The following PSMD11 variants were observed in gnomAD, a reference collection of about 807,000 sequenced individuals.
The protein encoded by PSMD11 is proteasome 26S subunit, non-ATPase 11, also known as 26S proteasome non-ATPase regulatory subunit 11.
Under a neutral mutation model 62.3 loss-of-function variants are expected in PSMD11, and 5 were observed. The ratio of observed to expected loss-of-function variants is 0.08; its 90% CI spans 0.04 to 0.17. The LOEUF is 0.17. PSMD11 is among the 10% of genes least tolerant of loss of function. PSMD11 has a pLI of 1.00. For synonymous variants in PSMD11, 191 were observed against 191.8 expected (o/e 1.00, Z 0.03); for missense variants, 310 against 512.9 (o/e 0.60, Z 3.82).
At chr17:32,449,761 T>A (rs1907434759) in intron 2 of PSMD11, among the ~76,000 whole-genome samples, 1 of 152,354 alleles carries the variant, frequency 6.6e-6, no homozygotes, top group South Asian at 2.1e-4. Flanking sequence ...TATTTAGCTG[T>A]CTTTGCTATT....
At chr17:32,452,116 A>T (rs1026973619) in intron 2 of PSMD11, among the ~76,000 whole-genome samples, 23 of 152,130 alleles carry the variant, frequency 1.5e-4, no homozygotes, top group Non-Finnish European at 1.6e-4. Flanking sequence ...GTTTTATTGG[A>T]ACAAAGCCAC....
chr17:32,471,166 A>G (rs937582689), intron 6 of PSMD11, among the ~76,000 whole-genome samples: 2 of 152,224 alleles, frequency 1.3e-5, no homozygotes, highest in Admixed American at 6.5e-5. Flanking sequence ...AGTTAGAGCT[A>G]ATATACACAA....
intron 3 of PSMD11, among the ~76,000 whole-genome samples, chr17:32,461,221 G>A (rs559702679): frequency 3.9e-5 from 6 of 151,942 alleles, no homozygotes; most frequent in Non-Finnish European, 8.8e-5. Flanking sequence ...GGGATTACAG[G>A]TGCACACCAC....
chr17:32,454,482 GCCTTT>G lies in PSMD11; in HGVS notation c.194-9_194-5del. On this transcript the variant is annotated splice_region_variant and splice_polypyrimidine_tract_variant and intron_variant, in intron 2 of 13. Coordinates refer to ENST00000261712, the MANE Select transcript of PSMD11 (RefSeq NM_002815.4). ...TGATGTTTACTCCTCTTTTTGAATT[GCCTTT>G]CCTACAGAGCTTGGAGGACTCCTGA... 1 of 1,607,158 alleles carries G rather than the reference GCCTTT, an allele frequency of 6.2e-7. No homozygotes were observed. The highest frequency in any genetic ancestry group is 8.5e-7 in the Non-Finnish European group (1 of 1,177,858).
At chr17:32,463,923 G>A in intron 3 of PSMD11, 126 bp from the exon 4 acceptor site, 1 of 854,496 alleles carries the variant, frequency 1.2e-6, no homozygotes, top group Admixed American at 1.9e-5. Context: ...AGATACTGTG[G>A]ATCAGACACT....
chr17:32,449,316 GA>G (rs1156734216), intron 2 of PSMD11, among the ~76,000 whole-genome samples: 1 of 152,070 alleles, frequency 6.6e-6, no homozygotes, highest in East Asian at 1.9e-4. Flanking sequence ...GAGGTGGGAG[GA>G]TTGCTTGAGC....
In PSMD11 at chr17:32,461,113, C is replaced by T. The variant is rs558646310; in HGVS notation, c.319-2936C>T. ...TTTTTTTTGAGACGGAGTCTCGCAC[C>T]GTCGCCCGGGCTGGAGTGCAATGGC... On this transcript the variant is annotated intron_variant, in intron 3 of 13. Transcript: ENST00000261712. 3.9e-4 allele frequency among the ~76,000 whole-genome samples: 60 copies of T among 151,980 alleles called. No individual in the cohort carries two copies. The South Asian group carries it at 6.8e-3, about 17-fold the overall frequency.
rs867905700 is a variant in PSMD11 at position 32,471,177 on chromosome 17, A to G, written c.643+1984A>G. 7.9e-5 allele frequency among the ~76,000 whole-genome samples: 12 copies of G among 152,336 alleles called. No homozygotes were observed. The Middle Eastern group carries it at 0.01, about 130-fold the overall frequency. On this transcript the variant is annotated intron_variant, in intron 6 of 13. Coordinates refer to ENST00000261712, the MANE Select transcript of PSMD11 (RefSeq NM_002815.4). The stretch of plus-strand genomic sequence containing the variant: ...GCAGAGTTAGAGCTAATATACACAA[A>G]TAGAGAATTTTAGGGTTTAGATGCC...
chr17:32,454,460 T>G (rs753500719), intron 2 of PSMD11, 35 bp from the exon 3 acceptor site: 2 of 1,606,660 alleles, frequency 1.2e-6, no homozygotes, highest in Non-Finnish European at 1.7e-6. Flanking sequence ...CAAATGTTGA[T>G]GTTTACTCCT....
intron 3 of PSMD11, among the ~76,000 whole-genome samples, chr17:32,458,995 T>C (rs1907729112): frequency 6.6e-6 from 1 of 151,372 alleles, no homozygotes; most frequent in South Asian, 2.1e-4. Context: ...CTCAGGTGGC[T>C]GAGGCACAAG....
rs1908548114 is a variant in PSMD11 at position 32,482,917 on chromosome 17, G to C, written c.*2165G>C. On this transcript the variant is annotated 3_prime_UTR_variant, in exon 14 of 14. Coordinates refer to ENST00000261712, the MANE Select transcript of PSMD11 (RefSeq NM_002815.4). ...TTGTCAGTTTTAGTATTGTGTCTCT[G>C]TATTTCACTTGCAGAAAGAGCTTTG... The C allele has an allele frequency of 6.6e-6, 1 of 152,178 alleles. No homozygotes were observed. The highest frequency in any genetic ancestry group is 2.4e-5 in the African/African-American group (1 of 41,422). 9.4% of individuals were successfully genotyped at this position (152,178 alleles called of 1,614,324 possible).
rs768559815 is a variant in PSMD11, at chr17:32,454,499, T to G, written c.198T>G (p.Leu66=). The part of the protein sequence containing the change: ...LLAKTGQAAE[L]GGLLKYVRPF... ...TTTGAATTGCCTTTCCTACAGAGCT[T>G]GGAGGACTCCTGAAGTATGTACGAC... Residue 66 remains leucine, a synonymous_variant, in exon 3 of 14, where the codon CTT becomes CTG. Coordinates refer to ENST00000261712, the MANE Select transcript of PSMD11 (RefSeq NM_002815.4). 2 of 1,613,712 alleles carry G rather than the reference T, an allele frequency of 1.2e-6. No homozygotes were observed. Among genetic ancestry groups the G allele is most frequent in the East Asian group, 2.2e-5 (1 of 44,872 alleles).
In PSMD11 at chr17:32,480,741, C is replaced by A; in HGVS notation, c.*1-12C>A. The A allele has an allele frequency of 7.7e-7, 1 of 1,297,776 alleles. No individual in the cohort carries two copies. The allele number at this position is 1,297,776 out of a possible 1,614,324, so 80.4% of individuals were successfully genotyped here. On this transcript the variant is annotated splice_polypyrimidine_tract_variant and intron_variant, in intron 13 of 13. Transcript: ENST00000261712. ...GGCTTCCTGATTGACACTGCTCTGTCTTCTCTTGCAGAGTTGGATCTGTAG... is the reference window on the plus strand; with the variant it reads ...GGCTTCCTGATTGACACTGCTCTGTATTCTCTTGCAGAGTTGGATCTGTAG...
intron 3 of PSMD11, among the ~76,000 whole-genome samples, chr17:32,460,207 C>T (rs1907783632): frequency 6.6e-6 from 1 of 151,744 alleles, no homozygotes; most frequent in African/African-American, 2.4e-5. Flanking sequence ...TGCAGATGTG[C>T]ACCACTACAC....
chr17:32,481,959 G>A lies in PSMD11; in HGVS notation c.*1207G>A, dbSNP rs1236931501. On this transcript the variant is annotated 3_prime_UTR_variant, in exon 14 of 14. Coordinates refer to ENST00000261712, the MANE Select transcript of PSMD11 (RefSeq NM_002815.4). ...TTGTTTTCTGACACGATTACACAGC[G>A]AGGCTTTAATGCCATTTGGGTAGGT... 1 of 152,124 alleles carries A rather than the reference G, an allele frequency of 6.6e-6. No homozygotes were observed. The highest frequency in any genetic ancestry group is 1.5e-5 in the Non-Finnish European group (1 of 68,024). 9.4% of individuals were successfully genotyped at this position (152,124 alleles called of 1,614,324 possible). A position where few individuals can be genotyped will look rare whatever the true frequency, so the allele number is the denominator to read the frequency against.
rs138439759 is a variant in PSMD11, at chr17:32,475,641, T to C, written c.849+817T>C. ...TTGAGTTGGAGTCTCATTCTTTCAT[T>C]CAGGCTGGAGTGCAGTGGCGTATCT... On this transcript the variant is annotated intron_variant, in intron 8 of 13. Coordinates refer to ENST00000261712, the MANE Select transcript of PSMD11 (RefSeq NM_002815.4). Among the ~76,000 whole-genome samples, 845 of 151,466 alleles carry C rather than the reference T, an allele frequency of 5.6e-3. 9 individuals carry two copies. The highest frequency in any genetic ancestry group is 0.018 in the African/African-American group (755 of 41,230).
At chr17:32,460,860 T>C (rs142042714) in intron 3 of PSMD11, among the ~76,000 whole-genome samples, 7 of 152,050 alleles carry the variant, frequency 4.6e-5, no homozygotes, top group Non-Finnish European at 8.8e-5. Context: ...ATGCAAGGTT[T>C]GGAGCCTAGA....
chr17:32,471,351 G>T (rs968873883), intron 6 of PSMD11, among the ~76,000 whole-genome samples: 1 of 152,190 alleles, frequency 6.6e-6, no homozygotes, highest in African/African-American at 2.4e-5. Flanking sequence ...TGGTATATCA[G>T]TCTGAAGAAA....
chr17:32,462,751 A>T (rs2150833979), intron 3 of PSMD11, among the ~76,000 whole-genome samples: 1 of 152,132 alleles, frequency 6.6e-6, no homozygotes, highest in Non-Finnish European at 1.5e-5. Flanking sequence ...CAATGGTGCG[A>T]TCTCGGCTCA....
Sources: gnomAD v4.1 joint callset for allele counts (sites outside exome capture counted in the v4.1 genomes callset) on GRCh38, gnomAD v4.1.1 for gene constraint, MANE v1.5 for transcripts, NCBI Gene and HGNC (gene_info 2026-07-23, HGNC 2026-07-21) for gene names.